The following PCSK7 variants were observed in gnomAD, a reference collection of about 807,000 sequenced individuals.
PCSK7 encodes proprotein convertase subtilisin/kexin type 7, also known as lymphoma proprotein convertase.
Under a neutral mutation model 73.3 loss-of-function variants are expected in PCSK7, and 38 were observed. The observed-to-expected ratio is 0.52, with a 90% CI of 0.40 to 0.68. The LOEUF is 0.68. Ranked by LOEUF, PCSK7 falls within the 30% of genes least tolerant of loss-of-function variation. The pLI, the probability that PCSK7 is intolerant of heterozygous loss-of-function variation, is 0.00. For synonymous variants in PCSK7, 296 were observed against 383.8 expected (o/e 0.77, Z 2.68); for missense variants, 692 against 991.5 (o/e 0.70, Z 4.06).
intron 5 of PCSK7, 43 bp from the exon 6 acceptor site, chr11:117,226,064 T>C (rs1335596304): frequency 1.8e-6 from 2 of 1,118,958 alleles, no homozygotes; most frequent in East Asian, 2.3e-5. Flanking sequence ...AATGCTGGTC[T>C]CCTAGCCGGG....
intron 10 of PCSK7, 134 bp downstream of exon 10, chr11:117,219,457 A>C (rs1257578291): frequency 1.2e-6 from 1 of 863,592 alleles, no homozygotes; most frequent in Non-Finnish European, 1.8e-6. Flanking sequence ...TGTTCTTTAC[A>C]TATGCAACTC....
chr11:117,220,098 G>C (rs1003986833), intron 9 of PCSK7: 110 of 183,086 alleles, frequency 6.0e-4, no homozygotes, highest in Admixed American at 1.4e-3. Context: ...TAGCAGGGCA[G>C]GGCAAAGGAA....
chr11:117,219,820 G>T lies in PCSK7; in HGVS notation c.1156-62C>A, dbSNP rs908925089. ...CTGAGTTCAAGCTGGGGACAGTGGT[G>T]TGCACCTATAGTCCCGGCTACCTGG... On this transcript the variant is annotated intron_variant, in intron 9 of 16. Coordinates refer to ENST00000320934, the MANE Select transcript of PCSK7 (RefSeq NM_004716.4). 3 of 1,338,534 alleles carry T rather than the reference G, an allele frequency of 2.2e-6. No homozygotes were observed. In the African/African-American group the frequency reaches 4.5e-5, roughly 20 times the overall value. 82.9% of individuals were successfully genotyped at this position (1,338,534 alleles called of 1,614,324 possible).
intron 12 of PCSK7, chr11:117,214,066 C>T (rs1388619707): frequency 6.8e-6 from 1 of 147,854 alleles, no homozygotes; most frequent in Non-Finnish European, 1.5e-5. Flanking sequence ...AAGCAATTCT[C>T]CTGCCTCAGC....
At position 117,227,144 on chromosome 11, in the gene PCSK7, A is replaced by T. The variant is rs2134329226; in HGVS notation, c.769+13T>A. 2 of 1,590,724 alleles carry T rather than the reference A, an allele frequency of 1.3e-6. No individual in the cohort carries two copies. The highest frequency in any genetic ancestry group is 2.3e-5 in the South Asian group (2 of 88,722). On this transcript the variant is annotated intron_variant, in intron 5 of 16. Transcript: ENST00000320934. ...GAGCAGCCTACCAAGGCTAGGCTGG[A>T]GGCACAAGTTACCTGCGATGCGGCT...
At chr11:117,224,608 T>G in intron 7 of PCSK7, 93 bp downstream of exon 7, 3 of 998,480 alleles carry the variant, frequency 3.0e-6, no homozygotes, top group Non-Finnish European at 3.2e-6. Context: ...AGCGTGGAGG[T>G]GGAGTGGGAA....
At chr11:117,228,510 T>C (rs1290250995) in intron 3 of PCSK7, among the ~76,000 whole-genome samples, 160 bp from the exon 4 acceptor site, 1 of 151,876 alleles carries the variant, frequency 6.6e-6, no homozygotes, top group Non-Finnish European at 1.5e-5. Context: ...GAGGAGCAGG[T>C]GAGAGCTCTG....
In PCSK7 at chr11:117,205,507, G is replaced by T; in HGVS notation, c.*490C>A. 1 of 234,430 alleles carries T rather than the reference G, an allele frequency of 4.3e-6. No individual in the cohort carries two copies. 14.5% of individuals were successfully genotyped at this position (234,430 alleles called of 1,614,324 possible). On this transcript the variant is annotated 3_prime_UTR_variant, in exon 17 of 17. Transcript: ENST00000320934. ...TCATTCATGGTTGGTTTCTGATCAG[G>T]CATCTTGGGAATGGATAATGGAGGC...
intron 4 of PCSK7, among the ~76,000 whole-genome samples, 158 bp downstream of exon 4, chr11:117,228,058 G>A (rs1253013304): frequency 6.6e-6 from 1 of 152,176 alleles, no homozygotes. Context: ...GCTGTGCCTT[G>A]ACTGGCTAGC....
chr11:117,212,048 C>CAAGAT (rs1279794741), intron 12 of PCSK7: 1 of 152,184 alleles, frequency 6.6e-6, no homozygotes, highest in Non-Finnish European at 1.5e-5. Context: ...ATGGCTACTT[C>CAAGAT]TTACCTTCCC....
At chr11:117,210,183 A>C (rs2031660446) in intron 12 of PCSK7, 1 of 152,184 alleles carries the variant, frequency 6.6e-6, no homozygotes, top group Non-Finnish European at 1.5e-5. Context: ...TTGATATTAT[A>C]CTTTAATTGT....
chr11:117,209,689 GAAGCAT>G lies in PCSK7; in HGVS notation c.1535-642_1535-637del, dbSNP rs139133571. On this transcript the variant is annotated intron_variant, in intron 12 of 16. Transcript: ENST00000320934. ...GTGAGTGAAAAAAGCAATCTCAAAA[GAAGCAT>G]ATAGCCAGGTGTGGTGGTGTGCACC... The G allele has an allele frequency of 5.1e-3, 792 of 155,062 alleles. 9 individuals are homozygous for G. Among genetic ancestry groups the G allele is most frequent in the African/African-American group, 0.018 (732 of 41,584 alleles). The allele number at this position is 155,062 out of a possible 1,614,324, so 9.6% of individuals were successfully genotyped here.
At chr11:117,225,822 T>C in intron 6 of PCSK7, 109 bp downstream of exon 6, 2 of 715,940 alleles carry the variant, frequency 2.8e-6, no homozygotes, top group East Asian at 2.6e-5. Flanking sequence ...CTGAACCCAA[T>C]GAGGAGACCC....
chr11:117,214,591 TAAA>T (rs1207662903), intron 12 of PCSK7: 1 of 152,140 alleles, frequency 6.6e-6, no homozygotes, highest in African/African-American at 2.4e-5. Context: ...ACAAGAATGT[TAAA>T]AAGGATGAAC....
chr11:117,208,408 G>GGCAT (rs2031540326), intron 13 of PCSK7: 1 of 219,144 alleles, frequency 4.6e-6, no homozygotes, highest in Non-Finnish European at 8.0e-6. Flanking sequence ...GGAGTGCAGT[G>GGCAT]GCATGATCAC....
At position 117,215,407 on chromosome 11, in the gene PCSK7, C is replaced by CACTTT. The variant is rs1178049660; in HGVS notation, c.1534+3058_1534+3059insAAAGT. On this transcript the variant is annotated intron_variant, in intron 12 of 16. Coordinates refer to ENST00000320934, the MANE Select transcript of PCSK7 (RefSeq NM_004716.4). ...ATATATATATATATATATATATATA[C>CACTTT]TTTTTTTTTTTGAGATGGAGTCTCG... 2 of 58,798 alleles carry CACTTT rather than the reference C, an allele frequency of 3.4e-5. 1 individual carries two copies. Among genetic ancestry groups the CACTTT allele is most frequent in the Admixed American group, 4.2e-4 (2 of 4,790 alleles). The allele number at this position is 58,798 out of a possible 1,614,324, so 3.6% of individuals were successfully genotyped here. A position where few individuals can be genotyped will look rare whatever the true frequency, so the allele number is the denominator to read the frequency against.
chr11:117,222,251 C>T (rs1032368484), intron 9 of PCSK7: 1 of 152,214 alleles, frequency 6.6e-6, no homozygotes, highest in Non-Finnish European at 1.5e-5. Context: ...GCTGGGATGG[C>T]GCTAAGCCCA....
In PCSK7 at chr11:117,204,634, A is replaced by G. The variant is rs368754158; in HGVS notation, c.*1363T>C. ...TCCTCCCTGGGCTAAGCAGGGGAGA[A>G]GCGGGCTGGGGGTAGCCTGGATGTG... On this transcript the variant is annotated 3_prime_UTR_variant, in exon 17 of 17. Transcript: ENST00000320934. The G allele has an allele frequency of 3.7e-6, 2 of 535,986 alleles. No individual in the cohort carries two copies. Among genetic ancestry groups the G allele is most frequent in the African/African-American group, 1.9e-5 (1 of 53,216 alleles). 33.2% of individuals were successfully genotyped at this position (535,986 alleles called of 1,614,324 possible).
In PCSK7 at chr11:117,218,949, G is replaced by A. The variant is rs2032091489; in HGVS notation, c.1431+108C>T. The stretch of plus-strand genomic sequence containing the variant: ...GTTGAAGTTGTTAAATCAATGAACT[G>A]AATGAACATTTACTAGGCACCTATG... On this transcript the variant is annotated intron_variant, in intron 11 of 16. Coordinates refer to ENST00000320934, the MANE Select transcript of PCSK7 (RefSeq NM_004716.4). The surrounding 1 kb of genome is among the most constrained non-coding windows in gnomAD (Gnocchi z 4.0). 4.6e-6 allele frequency: 3 copies of A among 653,562 alleles called. No homozygotes were observed. Among genetic ancestry groups the A allele is most frequent in the Non-Finnish European group, 7.9e-6 (3 of 381,076 alleles). 40.5% of individuals were successfully genotyped at this position (653,562 alleles called of 1,614,324 possible).
Sources: gnomAD v4.1 joint callset for allele counts (sites outside exome capture counted in the v4.1 genomes callset) on GRCh38, gnomAD v4.1.1 for gene constraint, Gnocchi (gnomAD v3.1) non-coding constraint, MANE v1.5 for transcripts, NCBI Gene and HGNC (gene_info 2026-07-23, HGNC 2026-07-21) for gene names.